Variants in USP32 observed in about 807,000 individuals in gnomAD.
USP32 encodes the protein ubiquitin specific peptidase 32, also known as ubiquitin carboxyl-terminal hydrolase 32.
Under a neutral mutation model 204.8 loss-of-function variants are expected in USP32, and 59 were observed. That is an observed-to-expected ratio of 0.29 (90% confidence interval 0.23 to 0.36). The LOEUF is 0.36. USP32 is among the 10% of genes least tolerant of loss of function. The pLI, the probability that USP32 is intolerant of heterozygous loss-of-function variation, is 1.00. For synonymous variants in USP32, 517 were observed against 678.4 expected (o/e 0.76, Z 3.70); for missense variants, 1,160 against 1,946.4 (o/e 0.60, Z 7.60).
intron 1 of USP32, among the ~76,000 whole-genome samples, chr17:60,381,604 A>G (rs1442229684): frequency 6.6e-6 from 1 of 152,156 alleles, no homozygotes; most frequent in African/African-American, 2.4e-5. Context: ...TATGGTTTGA[A>G]GTCAGTCGTT....
In USP32 at chr17:60,198,404, C is replaced by T. The variant is rs1255074178; in HGVS notation, c.3290G>A (p.Arg1097His). The change falls in exon 27 of 34, where the codon CGC becomes CAC. Residue 1097 changes from arginine to histidine, a missense_variant. Arg to His is a conservative substitution (Grantham distance 29). This residue lies in a region of USP32 where 160 missense variants were observed against 322.5 expected (regional missense o/e 0.50). Coordinates refer to ENST00000300896, the MANE Select transcript of USP32 (RefSeq NM_032582.4). ...CAATGGCATTCCAAAGAGGCTGGGG[C>T]GATTCTTCTGAGATGACAGGAAATA... Reference protein sequence around the residue: ...ELYFLSSQKNRPSLFGMPLIV... With the variant: ...ELYFLSSQKNHPSLFGMPLIV... 2 of 1,614,068 alleles carry T rather than the reference C, an allele frequency of 1.2e-6. No homozygotes were observed. The highest frequency in any genetic ancestry group is 1.1e-5 in the South Asian group (1 of 91,066).
Position 60,410,789 on chromosome 17 carries a change from A to G in USP32, c.106+11457T>C, listed in dbSNP as rs200149970. ...AAAGCACATAACATAGGTTAGAAATAGAAACTGTCGGCTGGGTGCGGTGGC... is the reference window on the plus strand; with the variant it reads ...AAAGCACATAACATAGGTTAGAAATGGAAACTGTCGGCTGGGTGCGGTGGC... On this transcript the variant is annotated intron_variant, in intron 1 of 3. Transcript: ENST00000588898. Among the ~76,000 whole-genome samples, 321 of 152,262 alleles carry G rather than the reference A, an allele frequency of 2.1e-3. 1 individual carries two copies. Among genetic ancestry groups the G allele is most frequent in the African/African-American group, 7.4e-3 (308 of 41,564 alleles).
chr17:60,379,690 A>G (rs1231479771), intron 1 of USP32, among the ~76,000 whole-genome samples: 4 of 152,266 alleles, frequency 2.6e-5, no homozygotes, highest in Non-Finnish European at 5.9e-5. Context: ...ACATTGCTAT[A>G]AAATTCCAAA....
At chr17:60,361,213 C>G (rs1185984754) in intron 1 of USP32, among the ~76,000 whole-genome samples, 1 of 152,168 alleles carries the variant, frequency 6.6e-6, no homozygotes, top group East Asian at 1.9e-4. Context: ...ACTTCCTCCC[C>G]TCAGTCCTAA....
chr17:60,190,830 A>G, intron 28 of USP32, 147 bp from the exon 29 acceptor site: 1 of 1,127,956 alleles, frequency 8.9e-7, no homozygotes, highest in African/African-American at 1.6e-5. Flanking sequence ...AGACTCTGAT[A>G]AATGTAGGGA....
At position 60,181,358 on chromosome 17, in the gene USP32, C is replaced by T. The variant is rs17405739; in HGVS notation, c.4514G>A (p.Arg1505His). The T allele has an allele frequency of 2.4e-5, 38 of 1,613,368 alleles. No individual in the cohort carries two copies. Among genetic ancestry groups the T allele is most frequent in the African/African-American group, 1.7e-4 (13 of 75,008 alleles). Reference protein sequence around the residue: ...DSTDDQREDTRIKPIYNLYAI... With the variant: ...DSTDDQREDTHIKPIYNLYAI... Reference sequence around the variant, plus strand: ...ATATAGATTATAAATAGGCTTAATACGAGTATCTTCTCTTTGGTCATCAGT... The same window carrying T: ...ATATAGATTATAAATAGGCTTAATATGAGTATCTTCTCTTTGGTCATCAGT... Residue 1505 changes from arginine to histidine, a missense_variant, in exon 32 of 34, where the codon CGT becomes CAT. Coordinates refer to ENST00000300896, the MANE Select transcript of USP32 (RefSeq NM_032582.4).
In USP32 at chr17:60,181,399, G is replaced by C; in HGVS notation, c.4473C>G (p.His1491Gln). The change falls in exon 32 of 34, where the codon CAC becomes CAG. Residue 1491 changes from histidine (H) to glutamine (Q), a missense_variant. Coordinates refer to ENST00000300896, the MANE Select transcript of USP32 (RefSeq NM_032582.4). ...GGTCATCAGTGCTGTCTTCTTCACT[G>C]TGGTTTCCAAGCTGACCATTGCTGT... is the stretch of plus-strand genomic sequence containing the variant. Reference protein sequence around the residue: ...NGYSNGQLGNHSEEDSTDDQR... With the variant: ...NGYSNGQLGNQSEEDSTDDQR... 3.1e-6 allele frequency: 5 copies of C among 1,613,984 alleles called. No individual in the cohort carries two copies. Among genetic ancestry groups the C allele is most frequent in the Non-Finnish European group, 4.2e-6 (5 of 1,179,862 alleles).
In USP32 at chr17:60,380,870, G is replaced by A. The variant is rs147650181; in HGVS notation, c.58+11012C>T. On this transcript the variant is annotated intron_variant, in intron 1 of 33. Coordinates refer to ENST00000300896, the MANE Select transcript of USP32 (RefSeq NM_032582.4). The stretch of plus-strand genomic sequence containing the variant: ...TAATAAGAATTAGAAATTTGTGCTT[G>A]TCCTTGCATATAAGGCTGTGTTTCA... Among the ~76,000 whole-genome samples, 1,446 of 152,276 alleles carry A rather than the reference G, an allele frequency of 9.5e-3. 32 individuals carry two copies. Among genetic ancestry groups the A allele is most frequent in the African/African-American group, 0.033 (1,390 of 41,562 alleles).
At chr17:60,391,789 C>G in intron 1 of USP32, 93 bp downstream of exon 1, 5 of 1,400,132 alleles carry the variant, frequency 3.6e-6, no homozygotes, top group Non-Finnish European at 4.9e-6. Flanking sequence ...GCGCCCCACG[C>G]CCTCAATCTC....
At chr17:60,248,265 G>C (rs1309746602) in intron 11 of USP32, among the ~76,000 whole-genome samples, 1 of 152,148 alleles carries the variant, frequency 6.6e-6, no homozygotes, top group Non-Finnish European at 1.5e-5. Context: ...CCTTCTACAT[G>C]ATGAGTCTTT....
intron 1 of USP32, among the ~76,000 whole-genome samples, chr17:60,361,417 A>G (rs1021392020): frequency 6.6e-6 from 1 of 152,194 alleles, no homozygotes; most frequent in Non-Finnish European, 1.5e-5. Context: ...TTTTCATTAT[A>G]TAACATTAGT....
chr17:60,312,443 T>C (rs2087876083), intron 2 of USP32, among the ~76,000 whole-genome samples: 1 of 152,048 alleles, frequency 6.6e-6, no homozygotes, highest in Non-Finnish European at 1.5e-5. Flanking sequence ...TCGTTGTTGT[T>C]GAGACAGGGT....
intron 2 of USP32, among the ~76,000 whole-genome samples, chr17:60,337,215 T>C (rs1488242464): frequency 6.6e-6 from 1 of 152,224 alleles, no homozygotes; most frequent in Non-Finnish European, 1.5e-5. Context: ...GCAACAAGAC[T>C]ACTTCAGCAT....
intron 2 of USP32, among the ~76,000 whole-genome samples, chr17:60,336,458 G>A: frequency 7.0e-6 from 1 of 142,702 alleles, no homozygotes; most frequent in Non-Finnish European, 1.5e-5. Flanking sequence ...GCTCACGCCT[G>A]TAATCCCAGC....
intron 31 of USP32, among the ~76,000 whole-genome samples, chr17:60,182,601 A>G (rs2084139922): frequency 6.6e-6 from 1 of 152,012 alleles, no homozygotes; most frequent in Non-Finnish European, 1.5e-5. Flanking sequence ...CATCTCTACA[A>G]AAAATACAAA....
At chr17:60,193,397 T>C (rs2084434887) in intron 27 of USP32, among the ~76,000 whole-genome samples, 1 of 152,228 alleles carries the variant, frequency 6.6e-6, no homozygotes, top group Non-Finnish European at 1.5e-5. Context: ...CTGCCTTAAC[T>C]ACTCAGAGTT....
At chr17:60,203,528 T>G (rs1402875000) in intron 26 of USP32, among the ~76,000 whole-genome samples, 1 of 152,108 alleles carries the variant, frequency 6.6e-6, no homozygotes, top group Non-Finnish European at 1.5e-5. Flanking sequence ...CTCTTGTTGC[T>G]GCTATACAAT....
chr17:60,375,180 TCCTTCTCTGTG>T lies in USP32; in HGVS notation c.58+16691_58+16701del, dbSNP rs571083853. On this transcript the variant is annotated intron_variant, in intron 1 of 33. Transcript: ENST00000300896. The stretch of plus-strand genomic sequence containing the variant: ...GTTTGTCTTTGTTTATGAAGCTCCC[TCCTTCTCTGTG>T]GATACCACGCTTCTTCTTACCCTAT... 1.1e-4 allele frequency among the ~76,000 whole-genome samples: 17 copies of T among 152,326 alleles called. No individual in the cohort carries two copies. The East Asian group carries it at 3.1e-3, about 28-fold the overall frequency.
At chr17:60,414,581 A>C (rs1013226825) in intron 1 of USP32, among the ~76,000 whole-genome samples, 2 of 150,276 alleles carry the variant, frequency 1.3e-5, no homozygotes, top group African/African-American at 4.9e-5. Context: ...GGCGCCCACC[A>C]CCAGGCCCGG....
Sources: gnomAD v4.1 joint callset for allele counts (sites outside exome capture counted in the v4.1 genomes callset) on GRCh38, gnomAD v4.1.1 for gene constraint, gnomAD v4.1.1 regional missense constraint, MANE v1.5 for transcripts, NCBI Gene and HGNC (gene_info 2026-07-23, HGNC 2026-07-21) for gene names.